The following NFATC2 variants were observed in gnomAD, a reference collection of about 807,000 sequenced individuals.
The protein encoded by NFATC2 is nuclear factor of activated T cells 2, also known as nuclear factor of activated T-cells, cytoplasmic 2.
In NFATC2, 22 loss-of-function variants were observed where a neutral mutation model predicts 87.3. The ratio of observed to expected loss-of-function variants is 0.25; its 90% CI spans 0.18 to 0.36. NFATC2 has a LOEUF of 0.36. Among genes scored for constraint, NFATC2 ranks in the 10% least tolerant of loss-of-function variants. The pLI, the probability that NFATC2 is intolerant of heterozygous loss-of-function variation, is 1.00. For missense variants in NFATC2, 1,149 were observed against 1,259.1 expected, an observed-to-expected ratio of 0.91 and a Z score of 1.32; for synonymous variants, 565 against 542.2, an observed-to-expected ratio of 1.04 and a Z score of -0.58.
chr20:51,562,757 G>T (rs1252113892), upstream of NFATC2: 3 of 860,890 alleles, frequency 3.5e-6, no homozygotes, highest in East Asian at 8.6e-5. This position sits in a 1 kb window ranked among gnomAD's most constrained non-coding sequence, Gnocchi z 5.8. Context: ...GCCTCGGAGC[G>T]ACCCGGGAGC....
chr20:51,449,632 A>T (rs539133066), intron 6 of NFATC2, among the ~76,000 whole-genome samples: 1 of 152,168 alleles, frequency 6.6e-6, no homozygotes, highest in Non-Finnish European at 1.5e-5. Context: ...ACGCAAAATT[A>T]ACCTGGTTCT....
intron 6 of NFATC2, among the ~76,000 whole-genome samples, chr20:51,438,529 A>G (rs887386448): frequency 2.0e-5 from 3 of 152,074 alleles, no homozygotes; most frequent in Non-Finnish European, 2.9e-5. Context: ...GTCAGGAAGT[A>G]TTAAGTAGGA....
At chr20:51,392,601 C>A (rs532455834) in intron 10 of NFATC2, among the ~76,000 whole-genome samples, 1 of 152,178 alleles carries the variant, frequency 6.6e-6, no homozygotes, top group Admixed American at 6.5e-5. Flanking sequence ...ACTGACTAGT[C>A]GTGGGGTGGA....
intron 6 of NFATC2, among the ~76,000 whole-genome samples, chr20:51,440,800 GAC>G (rs1984220664): frequency 6.6e-6 from 1 of 152,202 alleles, no homozygotes; most frequent in African/African-American, 2.4e-5. Context: ...GCACGTGCAA[GAC>G]ACACTCCAGG....
Position 51,419,732 on chromosome 20 carries a change from C to T in NFATC2, c.2722+12335G>A, listed in dbSNP as rs1442451979. 4.6e-4 allele frequency among the ~76,000 whole-genome samples: 70 copies of T among 152,196 alleles called. 1 individual carries two copies. Among genetic ancestry groups the T allele is most frequent in the Non-Finnish European group, 4.4e-5 (3 of 68,042 alleles). On this transcript the variant is annotated intron_variant, in intron 9 of 10. Coordinates refer to ENST00000371564, the MANE Select transcript of NFATC2 (RefSeq NM_012340.5). ...GCTTTGGAATCACGCTCAAAGACTCCATAACACCGCAAGGAGTATCTCAGC... is the reference window on the plus strand; with the variant it reads ...GCTTTGGAATCACGCTCAAAGACTCTATAACACCGCAAGGAGTATCTCAGC...
chr20:51,458,282 G>T (rs1314620516), intron 5 of NFATC2, among the ~76,000 whole-genome samples: 1 of 151,942 alleles, frequency 6.6e-6, no homozygotes, highest in Non-Finnish European at 1.5e-5. Flanking sequence ...GGGGTGTCCT[G>T]GGCATTGTAC....
intron 2 of NFATC2, 136 bp downstream of exon 2, chr20:51,522,931 TCAGGGTCTCGCAAC>T: frequency 9.1e-7 from 1 of 1,094,270 alleles, no homozygotes; most frequent in South Asian, 1.5e-5. Flanking sequence ...AACTTCCGTC[TCAGGGTCTCGCAAC>T]CAGCAAGGGG....
chr20:51,397,715 A>G (rs1156998614), intron 10 of NFATC2, among the ~76,000 whole-genome samples: 3 of 152,104 alleles, frequency 2.0e-5, no homozygotes, highest in Non-Finnish European at 4.4e-5. Context: ...TCCTTCTGCC[A>G]TAGGGAAGTA....
At chr20:51,548,201 T>G (rs2076905147) in intron 1 of NFATC2, among the ~76,000 whole-genome samples, 1 of 152,084 alleles carries the variant, frequency 6.6e-6, no homozygotes, top group African/African-American at 2.4e-5. Context: ...CCCCAGGGCC[T>G]TTGTACTTAC....
chr20:51,454,137 G>A (rs1368803737), intron 6 of NFATC2, among the ~76,000 whole-genome samples: 5 of 152,128 alleles, frequency 3.3e-5, no homozygotes, highest in Middle Eastern at 3.4e-3. Flanking sequence ...AATATGCCTC[G>A]GATCACCAAG....
At chr20:51,401,124 C>CTTT (rs1427443655) in intron 9 of NFATC2, among the ~76,000 whole-genome samples, 4 of 152,110 alleles carry the variant, frequency 2.6e-5, no homozygotes, top group African/African-American at 9.7e-5. Context: ...AATCCCAGAA[C>CTTT]GTTGGGAGGC....
chr20:51,432,647 C>T lies in NFATC2; in HGVS notation c.2142G>A (p.Val714=), dbSNP rs906557992. The T allele has an allele frequency of 1.3e-6, 2 of 1,542,432 alleles. No individual in the cohort carries two copies. The highest frequency in any genetic ancestry group is 1.4e-5 in the African/African-American group (1 of 72,734). The stretch of plus-strand genomic sequence containing the variant: ...CCACGAGGCAGGAGGGGGACTCGGC[C>T]ACCATCGGGTGCTGGGGGTAGTAAG... ...SQPYYPQHPM[V]AESPSCLVAT... Residue 714 remains valine, a synonymous_variant, in exon 9 of 11, where the codon GTG becomes GTA. Coordinates refer to ENST00000371564, the MANE Select transcript of NFATC2 (RefSeq NM_012340.5). The surrounding 1 kb of genome is among the most constrained non-coding windows in gnomAD (Gnocchi z 4.6).
intron 1 of NFATC2, among the ~76,000 whole-genome samples, chr20:51,554,279 A>G (rs1221716630): frequency 1.3e-5 from 2 of 152,120 alleles, no homozygotes; most frequent in Admixed American, 1.3e-4. Context: ...TCACAAAAAC[A>G]TCTCTATCTG....
intron 1 of NFATC2, among the ~76,000 whole-genome samples, chr20:51,537,428 C>T (rs2076739312): frequency 6.6e-6 from 1 of 152,126 alleles, no homozygotes; most frequent in Non-Finnish European, 1.5e-5. Flanking sequence ...TATAAAACAA[C>T]CAGCAGTGAT....
At chr20:51,527,147 C>T (rs560605365) in intron 1 of NFATC2, among the ~76,000 whole-genome samples, 1 of 147,980 alleles carries the variant, frequency 6.8e-6, no homozygotes, top group South Asian at 2.1e-4. Context: ...GTGATCCTCC[C>T]ACCTCAGCCT....
chr20:51,493,846 C>T (rs944679385), intron 3 of NFATC2, among the ~76,000 whole-genome samples: 2 of 152,154 alleles, frequency 1.3e-5, no homozygotes, highest in African/African-American at 4.8e-5. Flanking sequence ...CAGCCCGGAA[C>T]GTGACACCCT....
At chr20:51,494,466 A>T (rs1287275837) in intron 3 of NFATC2, among the ~76,000 whole-genome samples, 1 of 151,752 alleles carries the variant, frequency 6.6e-6, no homozygotes, top group African/African-American at 2.4e-5. Context: ...GGGGCTCCCC[A>T]CTCCTCACCT....
chr20:51,411,215 G>A (rs1482648520), intron 9 of NFATC2, among the ~76,000 whole-genome samples: 2 of 152,144 alleles, frequency 1.3e-5, no homozygotes, highest in Non-Finnish European at 2.9e-5. Flanking sequence ...GCACGTGGCC[G>A]AGCAATGATT....
At chr20:51,530,905 C>T (rs2076622901) in intron 1 of NFATC2, among the ~76,000 whole-genome samples, 1 of 152,212 alleles carries the variant, frequency 6.6e-6, no homozygotes, top group Admixed American at 6.5e-5. Context: ...ACTCGTCTGT[C>T]TACCCTCTAG....
Sources: allele counts gnomAD v4.1 joint callset (sites outside exome capture counted in the v4.1 genomes callset), GRCh38; gene constraint gnomAD v4.1.1; non-coding constraint Gnocchi (gnomAD v3.1); transcripts MANE v1.5; gene names NCBI Gene and HGNC (gene_info 2026-07-23, HGNC 2026-07-21).